NLGN1: variants seen among roughly 807,000 people sequenced by gnomAD.
NLGN1 encodes the protein neuroligin 1.
NLGN1 carries 12 observed loss-of-function variants against 65.5 expected under a neutral mutation model. The observed-to-expected ratio is 0.18, with a 90% CI of 0.12 to 0.30. The LOEUF (loss-of-function observed/expected upper bound fraction) is 0.30. Ranked by LOEUF, NLGN1 falls within the 10% of genes least tolerant of loss-of-function variation. The probability of loss-of-function intolerance (pLI) is 1.00; values close to 1 mark genes in which losing one functional copy is unlikely to be tolerated. For synonymous variants in NLGN1, 350 were observed against 359.5 expected (o/e 0.97, Z 0.30); for missense variants, 750 against 1,007.1 (o/e 0.74, Z 3.46).
chr3:174,038,551 T>G (rs1731617299), intron 4 of NLGN1, among the ~76,000 whole-genome samples: 2 of 152,170 alleles, frequency 1.3e-5, no homozygotes, highest in South Asian at 4.1e-4. Flanking sequence ...AAATAAAGTT[T>G]AATGCTAACC....
At chr3:174,004,027 C>T (rs1723858642) in intron 4 of NLGN1, among the ~76,000 whole-genome samples, 1 of 151,998 alleles carries the variant, frequency 6.6e-6, no homozygotes, top group African/African-American at 2.4e-5. Flanking sequence ...TGCAGTTCTG[C>T]AATTTCTTTT....
At chr3:173,497,858 A>C (rs1446735257) in intron 2 of NLGN1, among the ~76,000 whole-genome samples, 1 of 151,938 alleles carries the variant, frequency 6.6e-6, no homozygotes, top group Admixed American at 6.6e-5. Flanking sequence ...ATCTAGAAAA[A>C]TAGTCTGCAT....
chr3:173,526,305 A>G (rs1356275951), intron 2 of NLGN1, among the ~76,000 whole-genome samples: 3 of 151,436 alleles, frequency 2.0e-5, no homozygotes, highest in Non-Finnish European at 4.4e-5. Context: ...GTGCTGTATC[A>G]TTATATAATG....
At chr3:173,750,089 T>C (rs1776103876) in intron 3 of NLGN1, among the ~76,000 whole-genome samples, 2 of 152,076 alleles carry the variant, frequency 1.3e-5, no homozygotes, top group Non-Finnish European at 2.9e-5. Context: ...AATTCTGTTA[T>C]CCCATCATAG....
intron 4 of NLGN1, among the ~76,000 whole-genome samples, chr3:174,257,021 G>A (rs1370657159): frequency 6.6e-6 from 1 of 152,112 alleles, no homozygotes; most frequent in East Asian, 1.9e-4. Flanking sequence ...TCTGACAAAG[G>A]TCTAATATCC....
rs140798446 is a variant in NLGN1, at chr3:173,965,844, G to T, written c.646+158012G>T. Among the ~76,000 whole-genome samples the T allele has an allele frequency of 2.6e-3, 394 of 152,164 alleles. 4 individuals carry two copies. Among genetic ancestry groups the T allele is most frequent in the Middle Eastern group, 6.8e-3 (2 of 294 alleles). On this transcript the variant is annotated intron_variant, in intron 4 of 6. Coordinates refer to ENST00000457714, the Ensembl canonical transcript of NLGN1. ...CTAAAGAGAAAAAAGGGCATGTTTT[G>T]CTATAGTACCTATACATTCTATCAA...
chr3:174,271,301 A>AT (rs10590236), intron 4 of NLGN1, among the ~76,000 whole-genome samples: 22 of 150,810 alleles, frequency 1.5e-4, no homozygotes, highest in Admixed American at 4.7e-4. Context: ...AACAGTCTGC[A>AT]TTTTTTTTTT....
intron 4 of NLGN1, among the ~76,000 whole-genome samples, chr3:174,219,933 A>G (rs906940817): frequency 6.6e-6 from 1 of 152,140 alleles, no homozygotes; most frequent in East Asian, 1.9e-4. Context: ...AAGAGCAGCC[A>G]GCAGGTGTCA....
intron 4 of NLGN1, among the ~76,000 whole-genome samples, chr3:174,179,140 T>C (rs76454447): frequency 0.1 from 15,553 of 152,174 alleles, 963 homozygotes; most frequent in Admixed American, 0.15. Context: ...AAATGTTGTA[T>C]TTATTTTTAA....
chr3:174,107,092 G>A (rs1202679661), intron 4 of NLGN1, among the ~76,000 whole-genome samples: 2 of 149,176 alleles, frequency 1.3e-5, no homozygotes, highest in Non-Finnish European at 3.0e-5. Flanking sequence ...CCCTACTTCA[G>A]TTGTCACATA....
At chr3:173,733,689 A>AT (rs908099184) in intron 3 of NLGN1, among the ~76,000 whole-genome samples, 13 of 152,020 alleles carry the variant, frequency 8.6e-5, no homozygotes, top group African/African-American at 2.9e-4. Flanking sequence ...TATATAAACC[A>AT]TTTTTGCTGT....
intron 4 of NLGN1, among the ~76,000 whole-genome samples, chr3:174,059,073 T>C (rs1336939543): frequency 6.6e-6 from 1 of 152,194 alleles, no homozygotes; most frequent in Non-Finnish European, 1.5e-5. Context: ...AATACTTTTC[T>C]GAGCTTTCTT....
intron 4 of NLGN1, among the ~76,000 whole-genome samples, chr3:174,033,504 A>C (rs768650614): frequency 9.0e-6 from 1 of 111,308 alleles, no homozygotes; most frequent in Non-Finnish European, 1.8e-5. Context: ...GATGCTGGAA[A>C]TATCAAATGG....
At chr3:173,436,839 C>T (rs1047571457) in intron 2 of NLGN1, among the ~76,000 whole-genome samples, 7 of 152,198 alleles carry the variant, frequency 4.6e-5, no homozygotes, top group African/African-American at 1.7e-4. Flanking sequence ...CTTTTTATCA[C>T]TATGACCCAG....
At chr3:173,592,498 G>A (rs770631923) in intron 2 of NLGN1, among the ~76,000 whole-genome samples, 34 of 152,202 alleles carry the variant, frequency 2.2e-4, no homozygotes, top group Non-Finnish European at 4.4e-4. Flanking sequence ...GGATATCTAT[G>A]CACACGCCTA....
intron 4 of NLGN1, among the ~76,000 whole-genome samples, chr3:174,102,368 G>T (rs1175398216): frequency 6.6e-6 from 1 of 151,988 alleles, no homozygotes; most frequent in Non-Finnish European, 1.5e-5. Context: ...AAAATTAGAA[G>T]GATCTATTTG....
At chr3:173,948,607 G>A (rs545545220) in intron 4 of NLGN1, among the ~76,000 whole-genome samples, 4 of 152,150 alleles carry the variant, frequency 2.6e-5, no homozygotes, top group African/African-American at 9.7e-5. Context: ...CTAGGACAAA[G>A]GAAGAGGACA....
intron 3 of NLGN1, among the ~76,000 whole-genome samples, chr3:173,611,811 T>C (rs1039146030): frequency 1.3e-5 from 2 of 152,044 alleles, no homozygotes; most frequent in Non-Finnish European, 2.9e-5. Flanking sequence ...GAATAAATAC[T>C]TTTTTTCTTA....
At chr3:173,617,372 AT>A (rs1487520897) in intron 3 of NLGN1, among the ~76,000 whole-genome samples, 1 of 152,234 alleles carries the variant, frequency 6.6e-6, no homozygotes, top group Non-Finnish European at 1.5e-5. Context: ...TTCACAAGGA[AT>A]TCAATAAACA....
Sources: gnomAD v4.1 joint callset for allele counts (sites outside exome capture counted in the v4.1 genomes callset) on GRCh38, gnomAD v4.1.1 for gene constraint, MANE v1.5 for transcripts, NCBI Gene and HGNC (gene_info 2026-07-23, HGNC 2026-07-21) for gene names.